Variants in TMTC2 observed in about 807,000 individuals in gnomAD.
The protein encoded by TMTC2 is protein O-mannosyl-transferase TMTC2.
A neutral mutation model predicts 82.4 loss-of-function variants in TMTC2; 43 were observed. The ratio of observed to expected loss-of-function variants is 0.52; its 90% CI spans 0.41 to 0.67. The LOEUF is 0.67. Ranked by LOEUF, TMTC2 falls within the 30% of genes least tolerant of loss-of-function variation. The pLI is 0.00. For missense variants in TMTC2, 919 were observed against 1,012.4 expected (o/e 0.91, Z 1.25); for synonymous variants, 408 against 381.9 (o/e 1.07, Z -0.80).
chr12:82,723,218 C>T (rs1018640925), intron 1 of TMTC2, among the ~76,000 whole-genome samples: 1 of 152,054 alleles, frequency 6.6e-6, no homozygotes, highest in Non-Finnish European at 1.5e-5. Context: ...AGTTTGGTGT[C>T]GGAGAGGGTT....
intron 1 of TMTC2, among the ~76,000 whole-genome samples, chr12:82,750,674 A>G (rs1875938509): frequency 6.6e-6 from 1 of 152,086 alleles, no homozygotes; most frequent in South Asian, 2.1e-4. Flanking sequence ...CTTTATGTCT[A>G]TTGTCTCTCC....
At chr12:82,897,819 C>A (rs2137183569) in intron 3 of TMTC2, among the ~76,000 whole-genome samples, 1 of 152,280 alleles carries the variant, frequency 6.6e-6, no homozygotes, top group Admixed American at 6.5e-5. Context: ...GCCACCACAC[C>A]TGGCCTATTT....
At chr12:82,845,229 A>T in intron 1 of TMTC2, among the ~76,000 whole-genome samples, 1 of 98,820 alleles carries the variant, frequency 1.0e-5, no homozygotes, top group African/African-American at 4.9e-5. Flanking sequence ...ACTGTCTCAA[A>T]AAAAAAAAAA....
intron 3 of TMTC2, among the ~76,000 whole-genome samples, chr12:82,908,952 C>T (rs1288345438): frequency 6.6e-6 from 1 of 152,132 alleles, no homozygotes; most frequent in Admixed American, 6.5e-5. Flanking sequence ...CTAAAAATCT[C>T]TGCTACAATT....
chr12:83,087,281 A>T (rs1217129845), intron 11 of TMTC2, among the ~76,000 whole-genome samples: 1 of 152,096 alleles, frequency 6.6e-6, no homozygotes, highest in Non-Finnish European at 1.5e-5. Flanking sequence ...TCTAATTCTA[A>T]TTCTCTTGTT....
intron 1 of TMTC2, among the ~76,000 whole-genome samples, chr12:82,807,373 A>G (rs1037316510): frequency 6.6e-6 from 1 of 152,148 alleles, no homozygotes; most frequent in African/African-American, 2.4e-5. Context: ...ATGGAGCAAA[A>G]AGAAGGGTAA....
rs184086866 is a variant in TMTC2 at position 83,035,927 on chromosome 12, A to G, written c.2152+5048A>G. ...ATTTGTTATGAGGTACCTACTGTAT[A>G]TAAATTTTGGCACATGGGGAATTCA... On this transcript the variant is annotated intron_variant, in intron 9 of 11. Coordinates refer to ENST00000321196, the MANE Select transcript of TMTC2 (RefSeq NM_152588.3). Among the ~76,000 whole-genome samples, 440 of 152,326 alleles carry G rather than the reference A, an allele frequency of 2.9e-3. 2 individuals are homozygous for G. The highest frequency in any genetic ancestry group is 0.01 in the African/African-American group (419 of 41,578).
chr12:83,117,466 A>G (rs1884798588), intron 11 of TMTC2, among the ~76,000 whole-genome samples: 1 of 152,228 alleles, frequency 6.6e-6, no homozygotes, highest in African/African-American at 2.4e-5. Flanking sequence ...ATGGTTTAAC[A>G]TATGCAAGTC....
At chr12:82,746,560 G>A (rs1875703114) in intron 1 of TMTC2, among the ~76,000 whole-genome samples, 2 of 152,108 alleles carry the variant, frequency 1.3e-5, no homozygotes, top group South Asian at 4.1e-4. Context: ...AAAACACATT[G>A]TAGGCAGAAT....
intron 11 of TMTC2, among the ~76,000 whole-genome samples, chr12:83,075,429 G>A (rs1216391797): frequency 6.6e-6 from 1 of 152,074 alleles, no homozygotes; most frequent in East Asian, 1.9e-4. Flanking sequence ...TTTATAGTTA[G>A]CAAATGATGT....
chr12:83,092,719 C>G (rs1420187260), intron 11 of TMTC2, among the ~76,000 whole-genome samples: 1 of 152,154 alleles, frequency 6.6e-6, no homozygotes, highest in African/African-American at 2.4e-5. Context: ...GTTTCCATGA[C>G]TAAAAGGGAA....
At chr12:82,892,781 C>T (rs917345875) in intron 2 of TMTC2, among the ~76,000 whole-genome samples, 22 of 152,278 alleles carry the variant, frequency 1.4e-4, no homozygotes, top group African/African-American at 5.1e-4. Flanking sequence ...GCTTTTGGTA[C>T]AAATTCAGAA....
chr12:82,818,407 A>G (rs1868877912), intron 1 of TMTC2, among the ~76,000 whole-genome samples: 1 of 152,120 alleles, frequency 6.6e-6, no homozygotes, highest in Non-Finnish European at 1.5e-5. Flanking sequence ...ACTCAACTTT[A>G]ATGCCTACAT....
At chr12:82,826,311 A>G (rs1399170887) in intron 1 of TMTC2, among the ~76,000 whole-genome samples, 1 of 152,112 alleles carries the variant, frequency 6.6e-6, no homozygotes, top group African/African-American at 2.4e-5. Flanking sequence ...GTGGGAGCAT[A>G]CTGATGTGTG....
rs746372875 is a variant in TMTC2 at position 82,951,616 on chromosome 12, C to T, written c.1599-13408C>T. ...GATTACAGGTGTGAGCCACTGCGCC[C>T]AGCTGGAATTTAACCTTTTAAAGAA... On this transcript the variant is annotated intron_variant, in intron 4 of 11. Coordinates refer to ENST00000321196, the MANE Select transcript of TMTC2 (RefSeq NM_152588.3). 7.2e-4 allele frequency among the ~76,000 whole-genome samples: 110 copies of T among 152,154 alleles called. 1 individual carries two copies. The highest frequency in any genetic ancestry group is 1.5e-3 in the Admixed American group (23 of 15,274).
At chr12:82,793,917 A>G (rs1878583215) in intron 1 of TMTC2, among the ~76,000 whole-genome samples, 1 of 152,188 alleles carries the variant, frequency 6.6e-6, no homozygotes, top group Non-Finnish European at 1.5e-5. Context: ...TCTACTGTAT[A>G]TGCGACTTGG....
intron 1 of TMTC2, among the ~76,000 whole-genome samples, chr12:82,729,373 T>C (rs1158297359): frequency 6.6e-6 from 1 of 152,188 alleles, no homozygotes; most frequent in African/African-American, 2.4e-5. Flanking sequence ...AGAACCTTTA[T>C]GTCTAGCTAA....
intron 11 of TMTC2, among the ~76,000 whole-genome samples, chr12:83,064,126 A>G (rs1305948149): frequency 6.6e-6 from 1 of 151,796 alleles, no homozygotes; most frequent in African/African-American, 2.4e-5. Flanking sequence ...TCACTTGAGT[A>G]TCATGTTGAT....
At chr12:82,946,785 A>G (rs1356158587) in intron 4 of TMTC2, among the ~76,000 whole-genome samples, 2 of 141,434 alleles carry the variant, frequency 1.4e-5, no homozygotes, top group Non-Finnish European at 3.0e-5. Flanking sequence ...TCTGTCGCCC[A>G]GGGTGAAGTG....
Sources: allele counts gnomAD v4.1 joint callset (sites outside exome capture counted in the v4.1 genomes callset), GRCh38; gene constraint gnomAD v4.1.1; transcripts MANE v1.5; gene names NCBI Gene and HGNC (gene_info 2026-07-23, HGNC 2026-07-21).